RPH3A: variants seen among roughly 807,000 people sequenced by gnomAD.
RPH3A encodes rabphilin-3A.
A neutral mutation model predicts 102.2 loss-of-function variants in RPH3A; 48 were observed. The ratio of observed to expected loss-of-function variants is 0.47; its 90% CI spans 0.37 to 0.60. The LOEUF is 0.60. Ranked by LOEUF, RPH3A falls within the 20% of genes least tolerant of loss-of-function variation. The probability of loss-of-function intolerance (pLI) is 0.00; values close to 1 mark genes in which losing one functional copy is unlikely to be tolerated. For missense variants in RPH3A, 781 were observed against 910.1 expected, an observed-to-expected ratio of 0.86 and a Z score of 1.83; for synonymous variants, 310 against 324.3, an observed-to-expected ratio of 0.96 and a Z score of 0.47.
chr12:112,578,329 G>A (rs2039373632), intron 1 of RPH3A, among the ~76,000 whole-genome samples: 1 of 152,158 alleles, frequency 6.6e-6, no homozygotes, highest in Non-Finnish European at 1.5e-5. Flanking sequence ...TCAATCAAAG[G>A]GTGCTACTGA....
chr12:112,676,880 A>G (rs1297263094), intron 1 of RPH3A, among the ~76,000 whole-genome samples: 1 of 152,168 alleles, frequency 6.6e-6, no homozygotes, highest in African/African-American at 2.4e-5. Flanking sequence ...TTAAATGACA[A>G]TATTAGGGAG....
intron 1 of RPH3A, among the ~76,000 whole-genome samples, chr12:112,627,683 C>T (rs954795872): frequency 1.3e-5 from 2 of 151,844 alleles, no homozygotes; most frequent in Non-Finnish European, 2.9e-5. Flanking sequence ...GTGGTAGGTG[C>T]TATGGAGAAA....
In RPH3A at chr12:112,600,805, G is replaced by A. The variant is rs112324629; in HGVS notation, c.-140+25486G>A. On this transcript the variant is annotated intron_variant, in intron 1 of 21. Coordinates refer to the RPH3A transcript ENST00000543106. ...CAGTACCAATTTACTATATTAGTCC[G>A]TCCTCATGCTGCTAATAAAGACATA... is the stretch of plus-strand genomic sequence containing the variant. 8.1e-3 allele frequency among the ~76,000 whole-genome samples: 1,233 copies of A among 152,076 alleles called. 20 individuals carry two copies. The highest frequency in any genetic ancestry group is 0.028 in the African/African-American group (1,150 of 41,444).
intron 1 of RPH3A, among the ~76,000 whole-genome samples, chr12:112,646,991 G>T (rs561266318): frequency 6.6e-6 from 1 of 152,126 alleles, no homozygotes; most frequent in Non-Finnish European, 1.5e-5. Flanking sequence ...AGCTATGGGG[G>T]TACTCTAAAG....
chr12:112,852,533 A>G (rs779851710), intron 5 of RPH3A, among the ~76,000 whole-genome samples: 13 of 152,212 alleles, frequency 8.5e-5, no homozygotes, highest in Non-Finnish European at 1.9e-4. Flanking sequence ...AAATATAGCC[A>G]CGCTAGCTAG....
At chr12:112,854,773 C>T (rs190286286) in intron 5 of RPH3A, among the ~76,000 whole-genome samples, 2 of 152,358 alleles carry the variant, frequency 1.3e-5, no homozygotes, top group Admixed American at 6.5e-5. Flanking sequence ...GCCACTTGCC[C>T]AGAGGCACAC....
chr12:112,786,540 G>A (rs2041053317), intron 1 of RPH3A, among the ~76,000 whole-genome samples: 1 of 152,164 alleles, frequency 6.6e-6, no homozygotes, highest in African/African-American at 2.4e-5. Context: ...GCTCTTAAAG[G>A]AGAAGGAGGA....
chr12:112,614,480 T>C (rs2039662340), intron 1 of RPH3A, among the ~76,000 whole-genome samples: 1 of 151,134 alleles, frequency 6.6e-6, no homozygotes, highest in African/African-American at 2.4e-5. Flanking sequence ...GCCCAGAAGT[T>C]TGAGACCAGC....
intron 1 of RPH3A, among the ~76,000 whole-genome samples, chr12:112,719,354 A>G (rs1399873758): frequency 6.6e-6 from 1 of 152,230 alleles, no homozygotes; most frequent in Non-Finnish European, 1.5e-5. Flanking sequence ...TCCTGCAAGG[A>G]AACTCTGAGT....
intron 1 of RPH3A, among the ~76,000 whole-genome samples, chr12:112,585,089 T>C (rs1477109008): frequency 2.6e-5 from 4 of 152,102 alleles, no homozygotes; most frequent in African/African-American, 7.2e-5. Flanking sequence ...TGGAGTCCGA[T>C]GTTCGAAGGC....
At chr12:112,869,654 A>G (rs1260534137) in intron 8 of RPH3A, 105 bp from the exon 9 acceptor site, 3 of 1,066,696 alleles carry the variant, frequency 2.8e-6, no homozygotes, top group African/African-American at 1.6e-5. Flanking sequence ...TTTAAAACAT[A>G]TTCTTAGGCA....
chr12:112,854,809 T>TTA, intron 5 of RPH3A, among the ~76,000 whole-genome samples: 1 of 152,252 alleles, frequency 6.6e-6, no homozygotes, highest in East Asian at 1.9e-4. Context: ...AAACCAGACT[T>TTA]TGAACTTGAA....
At position 112,857,101 on chromosome 12, in the gene RPH3A, C is replaced by T. The variant is rs190659004; in HGVS notation, c.231-8313C>T. On this transcript the variant is annotated intron_variant, in intron 5 of 21. Transcript: ENST00000389385. ...GGCATGCCTGTGTATCGGGAGTCTA[C>T]GCTTTCTTGGGGCTGCATGTAAACA... 5.3e-5 allele frequency among the ~76,000 whole-genome samples: 8 copies of T among 152,232 alleles called. No individual in the cohort carries two copies. In the East Asian group the frequency reaches 7.7e-4, roughly 15 times the overall value.
At chr12:112,697,506 G>T (rs534552125) in intron 1 of RPH3A, among the ~76,000 whole-genome samples, 2 of 152,208 alleles carry the variant, frequency 1.3e-5, no homozygotes, top group Admixed American at 6.5e-5. Context: ...ACTATGGGTC[G>T]GAAGACTCAA....
rs1436640848 is a variant in RPH3A at position 112,727,221 on chromosome 12, T to C, written c.-139-64922T>C. ...TCAAAGAGACATATCGAAGAGGTGT[T>C]GTGTTTTATCAATCCCACGTGCTGG... On this transcript the variant is annotated intron_variant, in intron 1 of 21. Transcript: ENST00000543106. Among the ~76,000 whole-genome samples, 3 of 151,066 alleles carry C rather than the reference T, an allele frequency of 2.0e-5. No individual in the cohort carries two copies. In the East Asian group the frequency reaches 5.9e-4, roughly 29 times the overall value.
At chr12:112,855,291 A>C (rs1375909058) in intron 5 of RPH3A, among the ~76,000 whole-genome samples, 1 of 152,218 alleles carries the variant, frequency 6.6e-6, no homozygotes. Flanking sequence ...TGATGGCTTA[A>C]GGAAAACAAT....
intron 1 of RPH3A, among the ~76,000 whole-genome samples, chr12:112,651,123 G>C (rs528628107): frequency 6.6e-6 from 1 of 152,152 alleles, no homozygotes; most frequent in African/African-American, 2.4e-5. Flanking sequence ...ACTTTGGGAG[G>C]CTGAGACGGG....
intron 2 of RPH3A, among the ~76,000 whole-genome samples, chr12:112,806,261 A>G (rs2041460500): frequency 6.6e-6 from 1 of 152,244 alleles, no homozygotes. Context: ...TGCTTAAACT[A>G]TTTTGTTTTT....
chr12:112,739,171 A>T (rs548327038), intron 1 of RPH3A, among the ~76,000 whole-genome samples: 9 of 152,222 alleles, frequency 5.9e-5, no homozygotes, highest in Admixed American at 2.6e-4. Context: ...CCTCCTCAAG[A>T]GGACACCCAG....
Sources: gnomAD v4.1 joint callset for allele counts (sites outside exome capture counted in the v4.1 genomes callset) on GRCh38, gnomAD v4.1.1 for gene constraint, MANE v1.5 for transcripts, NCBI Gene and HGNC (gene_info 2026-07-23, HGNC 2026-07-21) for gene names.